Variants in AGO3 observed in about 807,000 individuals in gnomAD.
The protein encoded by AGO3 is argonaute RISC catalytic component 3.
AGO3 carries 16 observed loss-of-function variants against 105.5 expected under a neutral mutation model. That is an observed-to-expected ratio of 0.15 (90% CI 0.10 to 0.23). The LOEUF (loss-of-function observed/expected upper bound fraction) is 0.23. Among genes scored for constraint, AGO3 ranks in the 10% least tolerant of loss-of-function variants. AGO3 has a pLI of 1.00. For synonymous variants in AGO3, 340 were observed against 367.3 expected (o/e 0.93, Z 0.85); for missense variants, 534 against 1,088.0 (o/e 0.49, Z 7.16).
At chr1:35,971,763 C>A (rs1266998778) in intron 3 of AGO3, among the ~76,000 whole-genome samples, 1 of 152,050 alleles carries the variant, frequency 6.6e-6, no homozygotes, top group African/African-American at 2.4e-5. Context: ...ATGGCAGTTT[C>A]AAGAGATTTT....
intron 2 of AGO3, among the ~76,000 whole-genome samples, chr1:35,950,379 TAGAA>T (rs1047498820): frequency 2.0e-5 from 3 of 152,234 alleles, no homozygotes; most frequent in Non-Finnish European, 4.4e-5. Context: ...ATCATAATAG[TAGAA>T]AGATGTATTA....
At chr1:36,029,312 G>A (rs1221300795) in intron 12 of AGO3, among the ~76,000 whole-genome samples, 4 of 150,300 alleles carry the variant, frequency 2.7e-5, no homozygotes, top group African/African-American at 4.9e-5. Context: ...TGTAAGTTTA[G>A]AAATAATAGA....
In AGO3 at chr1:35,969,972, G is replaced by A. The variant is rs141228640; in HGVS notation, c.313-2052G>A. Among the ~76,000 whole-genome samples the A allele has an allele frequency of 4.0e-3, 603 of 152,266 alleles. 12 individuals are homozygous for A. Among genetic ancestry groups the A allele is most frequent in the Admixed American group, 0.027 (408 of 15,282 alleles). On this transcript the variant is annotated intron_variant, in intron 3 of 18. Coordinates refer to ENST00000373191, the MANE Select transcript of AGO3 (RefSeq NM_024852.4). Reference sequence around the variant, plus strand: ...TTCATTATAATCTAATGGGACCACCGTGTATATGGGGTCCATTGTGGACCA... The same window carrying A: ...TTCATTATAATCTAATGGGACCACCATGTATATGGGGTCCATTGTGGACCA...
At chr1:36,033,347 AAAG>A (rs895646119) in intron 12 of AGO3, among the ~76,000 whole-genome samples, 33 of 151,144 alleles carry the variant, frequency 2.2e-4, no homozygotes, top group Admixed American at 4.6e-4. Context: ...AAAAAAAAAA[AAAG>A]AAGTTATGGC....
At chr1:35,965,820 CT>C (rs925988577) in intron 2 of AGO3, among the ~76,000 whole-genome samples, 299 of 120,170 alleles carry the variant, frequency 2.5e-3, no homozygotes, top group African/African-American at 6.4e-3. Flanking sequence ...TTGAATCTCT[CT>C]TTTTTTTTTT....
At chr1:35,931,773 A>AG (rs1382169334) in intron 1 of AGO3, among the ~76,000 whole-genome samples, 2 of 152,234 alleles carry the variant, frequency 1.3e-5, no homozygotes, top group Non-Finnish European at 2.9e-5. Context: ...CGTGTCCTTT[A>AG]GCCAGGTTGT....
chr1:35,952,109 G>GGTCT (rs1433399157), intron 2 of AGO3, among the ~76,000 whole-genome samples: 2 of 142,310 alleles, frequency 1.4e-5, no homozygotes, highest in Non-Finnish European at 3.0e-5. Context: ...GTTCTGGGTC[G>GGTCT]GTCTTTCTTT....
chr1:36,003,973 A>G (rs1640227850), intron 5 of AGO3: 1 of 155,180 alleles, frequency 6.4e-6, no homozygotes, highest in South Asian at 2.0e-4. Flanking sequence ...TGAGCAATAT[A>G]GTGAGACCTT....
Position 36,048,289 on chromosome 1 carries a change from T to A in AGO3, c.2274+4741T>A, listed in dbSNP as rs113350245. Among the ~76,000 whole-genome samples, 491 of 152,038 alleles carry A rather than the reference T, an allele frequency of 3.2e-3. 2 individuals are homozygous for A. Among genetic ancestry groups the A allele is most frequent in the African/African-American group, 0.011 (458 of 41,440 alleles). On this transcript the variant is annotated intron_variant, in intron 17 of 18. Coordinates refer to ENST00000373191, the MANE Select transcript of AGO3 (RefSeq NM_024852.4). ...ACGGAGTGAGACCCTGTCTCAATCA[T>A]TCAATCAATCAATCAATCAATCAAT...
intron 1 of AGO3, among the ~76,000 whole-genome samples, chr1:35,945,123 C>G (rs1046028432): frequency 6.6e-6 from 1 of 152,096 alleles, no homozygotes; most frequent in African/African-American, 2.4e-5. Flanking sequence ...GAGATACTTA[C>G]CTTGTCAAAT....
chr1:35,957,359 C>T (rs1397466730), intron 2 of AGO3, among the ~76,000 whole-genome samples: 1 of 142,094 alleles, frequency 7.0e-6, no homozygotes, highest in South Asian at 2.2e-4. Flanking sequence ...GTCTCAAAAA[C>T]AAAAAAAAGA....
At chr1:35,939,193 A>G in intron 1 of AGO3, among the ~76,000 whole-genome samples, 1 of 152,136 alleles carries the variant, frequency 6.6e-6, no homozygotes, top group Non-Finnish European at 1.5e-5. Flanking sequence ...GCTAATTTAC[A>G]TTATTATGTA....
chr1:35,949,844 G>C (rs1044545764), intron 2 of AGO3, among the ~76,000 whole-genome samples: 1 of 152,034 alleles, frequency 6.6e-6, no homozygotes, highest in Non-Finnish European at 1.5e-5. Flanking sequence ...GGCTGGTTTT[G>C]AACTCCTGAG....
At chr1:35,941,229 A>G (rs905534391) in intron 1 of AGO3, among the ~76,000 whole-genome samples, 2 of 152,174 alleles carry the variant, frequency 1.3e-5, no homozygotes, top group East Asian at 1.9e-4. Context: ...CCATTTAACA[A>G]TTCCTGTCAG....
chr1:35,952,830 C>G (rs993669870), intron 2 of AGO3, among the ~76,000 whole-genome samples: 2 of 152,154 alleles, frequency 1.3e-5, no homozygotes, highest in African/African-American at 4.8e-5. Context: ...GTTCACACAA[C>G]AAAATGATAA....
chr1:36,026,186 G>A (rs1641494731), intron 11 of AGO3, among the ~76,000 whole-genome samples: 1 of 152,126 alleles, frequency 6.6e-6, no homozygotes, highest in East Asian at 1.9e-4. Flanking sequence ...TTAGCTCACT[G>A]CAACCTCCGC....
At chr1:35,965,661 C>G (rs980532537) in intron 2 of AGO3, among the ~76,000 whole-genome samples, 2 of 151,588 alleles carry the variant, frequency 1.3e-5, no homozygotes, top group African/African-American at 4.8e-5. Flanking sequence ...ATACTGTTTT[C>G]AGTAGTTTCA....
At chr1:36,049,457 G>C (rs1438447372) in intron 17 of AGO3, among the ~76,000 whole-genome samples, 1 of 151,442 alleles carries the variant, frequency 6.6e-6, no homozygotes, top group East Asian at 1.9e-4. Context: ...GGCAGAGGTT[G>C]TAGTGAGCCG....
At chr1:35,967,190 T>C in intron 3 of AGO3, 115 bp downstream of exon 3, 1 of 1,312,390 alleles carries the variant, frequency 7.6e-7, no homozygotes, top group African/African-American at 1.5e-5. Context: ...TCACTGATTG[T>C]TTTTAACTTT....
Sources: gnomAD v4.1 joint callset for allele counts (sites outside exome capture counted in the v4.1 genomes callset) on GRCh38, gnomAD v4.1.1 for gene constraint, MANE v1.5 for transcripts, NCBI Gene and HGNC (gene_info 2026-07-23, HGNC 2026-07-21) for gene names.